Variants in PHKA2 observed in about 807,000 individuals in gnomAD.
The protein encoded by PHKA2 is phosphorylase kinase regulatory subunit alpha 2.
In PHKA2, 31 loss-of-function variants were observed where a neutral mutation model predicts 102.0. The ratio of observed to expected loss-of-function variants is 0.30; its 90% CI spans 0.23 to 0.41. PHKA2 has a LOEUF of 0.41. Among genes scored for constraint, PHKA2 ranks in the 10% least tolerant of loss-of-function variants. The probability of loss-of-function intolerance (pLI) is 1.00; values close to 1 mark genes in which losing one functional copy is unlikely to be tolerated. For missense variants in PHKA2, 858 were observed against 1,023.1 expected (o/e 0.84, Z 2.20); for synonymous variants, 455 against 416.2 (o/e 1.09, Z -1.13).
chrX:18,928,116 GC>G (rs2048244530), intron 13 of PHKA2, among the ~76,000 whole-genome samples: 2 of 112,435 alleles, frequency 1.8e-5, no homozygotes, highest in African/African-American at 6.5e-5. Context: ...CTCTGGCTTA[GC>G]GCAGGCACAA....
At chrX:18,978,691 T>A (rs1477992726) in intron 1 of PHKA2, among the ~76,000 whole-genome samples, 2 of 110,033 alleles carry the variant, frequency 1.8e-5, no homozygotes, top group Admixed American at 1.9e-4. Flanking sequence ...CCAGCCTGGG[T>A]GACAGAGCGA....
At chrX:18,958,423 C>T (rs1460866523) in intron 1 of PHKA2, among the ~76,000 whole-genome samples, 2 of 110,984 alleles carry the variant, frequency 1.8e-5, no homozygotes, top group African/African-American at 6.6e-5. Context: ...CTTTTATTTC[C>T]ATGGAATAGA....
intron 17 of PHKA2, among the ~76,000 whole-genome samples, chrX:18,920,483 AAC>A (rs1368169751): frequency 8.9e-6 from 1 of 112,474 alleles, no homozygotes; most frequent in Non-Finnish European, 1.9e-5. Context: ...TGAACCAACC[AAC>A]AGTTTGACAA....
chrX:18,953,338 T>C (rs1236675552), intron 2 of PHKA2, among the ~76,000 whole-genome samples: 2 of 112,082 alleles, frequency 1.8e-5, no homozygotes, highest in African/African-American at 3.2e-5. Context: ...AAGGACTTCA[T>C]TGTCCTGTAT....
At chrX:18,939,476 C>T (rs1378971483) in intron 9 of PHKA2, among the ~76,000 whole-genome samples, 2 of 111,298 alleles carry the variant, frequency 1.8e-5, no homozygotes, top group Non-Finnish European at 3.8e-5. Flanking sequence ...CTGCACCTGG[C>T]CTACAAGTTG....
At chrX:18,948,869 G>A in intron 4 of PHKA2, 43 bp from the exon 5 acceptor site, 1 of 854,140 alleles carries the variant, frequency 1.2e-6, no homozygotes, top group Non-Finnish European at 1.7e-6. Flanking sequence ...ATGTTGCAGA[G>A]AGCTGCCAGT....
chrX:18,924,000 G>T, intron 17 of PHKA2, 56 bp downstream of exon 17: 1 of 809,544 alleles, frequency 1.2e-6, no homozygotes, highest in Non-Finnish European at 1.9e-6. Flanking sequence ...GGGCAGCAAA[G>T]GACTTTAAGA....
At chrX:18,944,331 C>T (rs1382009237) in intron 6 of PHKA2, among the ~76,000 whole-genome samples, 2 of 112,171 alleles carry the variant, frequency 1.8e-5, no homozygotes, top group Non-Finnish European at 3.8e-5. Flanking sequence ...TAACTTCAAA[C>T]ATCTGGCACT....
Position 18,966,611 on chromosome X carries a change from T to C in PHKA2, c.79-12199A>G, listed in dbSNP as rs891598144. ...GCTGTCCAGAAAAGAGCAAAAGCCT[T>C]CCTCCTGGCTGTCCCCAAAAAGAGC... On this transcript the variant is annotated intron_variant, in intron 1 of 32. Transcript: ENST00000379942. Among the ~76,000 whole-genome samples, 10 of 112,324 alleles carry C rather than the reference T, an allele frequency of 8.9e-5. No individual in the cohort carries two copies. In the Admixed American group the frequency reaches 9.4e-4, roughly 11 times the overall value.
chrX:18,899,109 G>A lies in PHKA2; in HGVS notation c.3111+64C>T, dbSNP rs374537020. 6.2e-6 allele frequency: 6 copies of A among 963,194 alleles called. No individual in the cohort carries two copies. The African/African-American group carries it at 1.1e-4, about 18-fold the overall frequency. 79.4% of individuals were successfully genotyped at this position (963,194 alleles called of 1,213,427 possible). A position where few individuals can be genotyped will look rare whatever the true frequency, so the allele number is the denominator to read the frequency against. Reference sequence around the variant, plus strand: ...AATCCTCAGAAGTTGGGCATGAGGTGGGAGCATGAGGAAGGACGCGAGGAG... The same window carrying A: ...AATCCTCAGAAGTTGGGCATGAGGTAGGAGCATGAGGAAGGACGCGAGGAG... On this transcript the variant is annotated intron_variant, in intron 29 of 32. Coordinates refer to ENST00000379942, the MANE Select transcript of PHKA2 (RefSeq NM_000292.3).
At chrX:18,895,001 G>T in intron 31 of PHKA2, 137 bp downstream of exon 31, 1 of 630,738 alleles carries the variant, frequency 1.6e-6, no homozygotes, top group Non-Finnish European at 2.7e-6. Flanking sequence ...AGGGTGAAGG[G>T]GCTAGACAGC....
intron 3 of PHKA2, 74 bp from the exon 4 acceptor site, chrX:18,951,346 C>T: frequency 1.9e-6 from 2 of 1,027,160 alleles, no homozygotes; most frequent in Admixed American, 2.2e-5. Flanking sequence ...CCATGGCCAG[C>T]CACCTGGATC....
At position 18,944,613 on chromosome X, in the gene PHKA2, A is replaced by T. The variant is rs752191321; in HGVS notation, c.618+465T>A. Among the ~76,000 whole-genome samples, 7 of 111,650 alleles carry T rather than the reference A, an allele frequency of 6.3e-5. No individual in the cohort carries two copies. The South Asian group carries it at 2.7e-3, about 42-fold the overall frequency. On this transcript the variant is annotated intron_variant, in intron 6 of 32. Transcript: ENST00000379942. Reference sequence around the variant, plus strand: ...AGTTTGAATCAGAGTACCTTCAGGGAAAGTTTCCCAGTGTCCCCAATTCCT... The same window carrying T: ...AGTTTGAATCAGAGTACCTTCAGGGTAAGTTTCCCAGTGTCCCCAATTCCT...
At chrX:18,983,796 G>A in intron 1 of PHKA2, 59 bp downstream of exon 1, 1 of 979,354 alleles carries the variant, frequency 1.0e-6, no homozygotes, top group Admixed American at 2.2e-5. Context: ...ACCTGGGAAG[G>A]AGAATGAGTT....
rs181492039 is a variant in PHKA2, at chrX:18,917,718, T to C, written c.2137+963A>G. Among the ~76,000 whole-genome samples, 381 of 109,853 alleles carry C rather than the reference T, an allele frequency of 3.5e-3. 1 individual carries two copies. The highest frequency in any genetic ancestry group is 0.012 in the African/African-American group (369 of 30,116). ...TGCATGTCCTCTATTAAAATAAGAG[T>C]GAACCAAGAAAGAAGAGTTGGGATA... On this transcript the variant is annotated intron_variant, in intron 19 of 32. Coordinates refer to ENST00000379942, the MANE Select transcript of PHKA2 (RefSeq NM_000292.3).
At chrX:18,901,379 C>T (rs1013341963) in intron 27 of PHKA2, 106 bp downstream of exon 27, 1 of 571,986 alleles carries the variant, frequency 1.7e-6, no homozygotes, top group Non-Finnish European at 3.2e-6. Context: ...TCCCACTCTA[C>T]AGACAGTGGG....
intron 4 of PHKA2, among the ~76,000 whole-genome samples, chrX:18,950,795 C>A (rs1346879916): frequency 1.8e-5 from 2 of 112,138 alleles, no homozygotes; most frequent in African/African-American, 6.5e-5. Flanking sequence ...TTACAAAACA[C>A]ACTTCGTGGA....
chrX:18,961,566 G>T (rs1232746923), intron 1 of PHKA2, among the ~76,000 whole-genome samples: 1 of 101,972 alleles, frequency 9.8e-6, no homozygotes, highest in Non-Finnish European at 2.0e-5. Context: ...GCTGAGGCAG[G>T]ATAATCACTT....
chrX:18,974,248 T>C (rs2049054894), intron 1 of PHKA2, among the ~76,000 whole-genome samples: 1 of 111,178 alleles, frequency 9.0e-6, no homozygotes, highest in Non-Finnish European at 1.9e-5. Flanking sequence ...ACCACTGCTC[T>C]TATTTACAGC....
Sources: allele counts gnomAD v4.1 joint callset (sites outside exome capture counted in the v4.1 genomes callset), GRCh38; gene constraint gnomAD v4.1.1; transcripts MANE v1.5; gene names NCBI Gene and HGNC (gene_info 2026-07-23, HGNC 2026-07-21).